Variants in C3orf20 observed in about 807,000 individuals in gnomAD.
C3orf20 encodes family with sequence similarity 149 member C.
A neutral mutation model predicts 88.3 loss-of-function variants in C3orf20; 76 were observed. That is an observed-to-expected ratio of 0.86 (90% CI 0.72 to 1.04). The LOEUF is 1.04. Ranked by LOEUF, C3orf20 falls within the 50% of genes least tolerant of loss-of-function variation. C3orf20 has a pLI of 0.00. For missense variants in C3orf20, 1,056 were observed against 1,123.3 expected, an observed-to-expected ratio of 0.94 and a Z score of 0.86; for synonymous variants, 436 against 437.4, an observed-to-expected ratio of 1.00 and a Z score of 0.04.
At chr3:14,690,646 C>T (rs1326201652) in intron 5 of C3orf20, among the ~76,000 whole-genome samples, 1 of 152,210 alleles carries the variant, frequency 6.6e-6, no homozygotes, top group Non-Finnish European at 1.5e-5. Flanking sequence ...AGGAAGAGAA[C>T]AGGTGGCAGA....
At chr3:14,726,682 G>A (rs1451022351) in intron 10 of C3orf20, among the ~76,000 whole-genome samples, 4 of 152,148 alleles carry the variant, frequency 2.6e-5, no homozygotes, top group East Asian at 3.9e-4. Context: ...CTGCCCAGTC[G>A]AATCAAGGAA....
chr3:14,704,235 G>A (rs1449457103), intron 6 of C3orf20, 102 bp from the exon 7 acceptor site: 12 of 1,218,544 alleles, frequency 9.8e-6, no homozygotes, highest in Non-Finnish European at 1.4e-5. Context: ...GGGGACAGGG[G>A]AATGGGATAG....
At chr3:14,723,645 A>T (rs1462426621) in intron 10 of C3orf20, among the ~76,000 whole-genome samples, 2 of 152,184 alleles carry the variant, frequency 1.3e-5, no homozygotes, top group African/African-American at 2.4e-5. Context: ...TGAATCCGGC[A>T]TGCATTGGTT....
At chr3:14,691,528 C>T (rs1273192650) in intron 5 of C3orf20, among the ~76,000 whole-genome samples, 4 of 152,214 alleles carry the variant, frequency 2.6e-5, no homozygotes, top group Non-Finnish European at 5.9e-5. Flanking sequence ...TTTCCCCTTT[C>T]TGTGGTTTCA....
chr3:14,675,444 G>A (rs1483543617), intron 1 of C3orf20, among the ~76,000 whole-genome samples, 192 bp downstream of exon 1: 1 of 152,182 alleles, frequency 6.6e-6, no homozygotes, highest in Non-Finnish European at 1.5e-5. Context: ...TATGATGGGT[G>A]TAGGTCATTG....
Position 14,704,465 on chromosome 3 carries a change from A to G in C3orf20, c.1007A>G (p.His336Arg). Residue 336 changes from histidine to arginine, a missense_variant, in exon 7 of 17, where the codon CAT (histidine) becomes CGT (arginine). Coordinates refer to ENST00000253697, the MANE Select transcript of C3orf20 (RefSeq NM_032137.5). ...RKGDSQTPGLHYPPTAGAQTL... is the reference protein window; with the variant it reads ...RKGDSQTPGLRYPPTAGAQTL... ...GGAGACTCTCAGACCCCGGGTTTAC[A>G]TTACCCTCCCACTGCAGGTGCTCAG... 2 of 1,614,052 alleles carry G rather than the reference A, an allele frequency of 1.2e-6. No homozygotes were observed. Among genetic ancestry groups the G allele is most frequent in the South Asian group, 1.1e-5 (1 of 91,070 alleles).
intron 15 of C3orf20, among the ~76,000 whole-genome samples, chr3:14,770,156 C>G (rs1189278145): frequency 6.6e-6 from 1 of 152,164 alleles, no homozygotes; most frequent in Non-Finnish European, 1.5e-5. Context: ...GACCATAGGC[C>G]CAGACACTTC....
chr3:14,722,478 G>A (rs1278387260), intron 10 of C3orf20: 1 of 456,672 alleles, frequency 2.2e-6, no homozygotes, highest in Admixed American at 2.3e-5. Context: ...GAAAATCAAG[G>A]TGCTGTTACC....
At chr3:14,686,635 T>G (rs1168822768) in intron 4 of C3orf20, among the ~76,000 whole-genome samples, 1 of 152,248 alleles carries the variant, frequency 6.6e-6, no homozygotes, top group African/African-American at 2.4e-5. Flanking sequence ...GTGTCTCTTC[T>G]TTTGAGAAAT....
intron 15 of C3orf20, among the ~76,000 whole-genome samples, chr3:14,769,980 C>T (rs533683700): frequency 4.3e-4 from 66 of 152,192 alleles, no homozygotes; most frequent in East Asian, 7.7e-4. Flanking sequence ...TGCTTCTTTC[C>T]GAGCCTTTTC....
At position 14,757,954 on chromosome 3, in the gene C3orf20, T is replaced by C. The variant is rs371225156; in HGVS notation, c.2244+280T>C. Among the ~76,000 whole-genome samples the C allele has an allele frequency of 2.4e-4, 37 of 152,324 alleles. 1 individual carries two copies. In the South Asian group the frequency reaches 2.9e-3, roughly 12 times the overall value. Reference sequence around the variant, plus strand: ...CCCTTGAGACAAAATCAGGGCACTGTCCTTTCCTTCCAGTTTGTGACTGCT... The same window carrying C: ...CCCTTGAGACAAAATCAGGGCACTGCCCTTTCCTTCCAGTTTGTGACTGCT... On this transcript the variant is annotated intron_variant, in intron 13 of 16. Transcript: ENST00000253697.
chr3:14,721,813 C>A, intron 10 of C3orf20, 29 bp downstream of exon 10: 1 of 1,612,954 alleles, frequency 6.2e-7, no homozygotes, highest in South Asian at 1.1e-5. Flanking sequence ...TGCACCCAGC[C>A]CTGACCCCTG....
intron 10 of C3orf20, 133 bp downstream of exon 10, chr3:14,721,917 A>T: frequency 9.1e-7 from 1 of 1,104,014 alleles, no homozygotes; most frequent in Non-Finnish European, 1.3e-6. Context: ...TTCCTCTGCC[A>T]TTATTCACCA....
chr3:14,691,363 C>A (rs1575096072), intron 5 of C3orf20, among the ~76,000 whole-genome samples: 1 of 152,162 alleles, frequency 6.6e-6, no homozygotes, highest in East Asian at 1.9e-4. Flanking sequence ...CTAGATCTGG[C>A]CCTGTGATCC....
intron 5 of C3orf20, among the ~76,000 whole-genome samples, chr3:14,697,598 A>G (rs1183710080): frequency 6.6e-6 from 1 of 151,954 alleles, no homozygotes; most frequent in Non-Finnish European, 1.5e-5. Context: ...CATGTGCACA[A>G]TGTGCAGGTT....
intron 11 of C3orf20, among the ~76,000 whole-genome samples, chr3:14,727,781 G>A (rs1460885326): frequency 6.6e-6 from 1 of 152,086 alleles, no homozygotes; most frequent in Non-Finnish European, 1.5e-5. Flanking sequence ...TTCCACACAA[G>A]TGAAAGAAAG....
chr3:14,722,456 G>A, intron 10 of C3orf20: 1 of 456,658 alleles, frequency 2.2e-6, no homozygotes, highest in Non-Finnish European at 4.4e-6. Flanking sequence ...AGGCAGAAGA[G>A]TTTCCCTAAA....
rs2032154364 is a variant in C3orf20 at position 14,682,636 on chromosome 3, C to CA, written c.-76dup. 1 of 1,520,494 alleles carries CA rather than the reference C, an allele frequency of 6.6e-7. No homozygotes were observed. Among genetic ancestry groups the CA allele is most frequent in the South Asian group, 1.3e-5 (1 of 76,918 alleles). 94.2% of individuals were successfully genotyped at this position (1,520,494 alleles called of 1,614,324 possible). A position where few individuals can be genotyped will look rare whatever the true frequency, so the allele number is the denominator to read the frequency against. On this transcript the variant is annotated 5_prime_UTR_variant, in exon 3 of 17. An upstream open reading frame in the 5' UTR loses its in-frame stop. Coordinates refer to ENST00000253697, the MANE Select transcript of C3orf20 (RefSeq NM_032137.5). ...TCAGCACATCCATTCTGTCCATCTC[C>CA]AAGCCTTCACCGTAGGGAAGAACTT...
At position 14,757,519 on chromosome 3, in the gene C3orf20, C is replaced by G. The variant is rs757575905; in HGVS notation, c.2089C>G (p.Leu697Val). The change falls in exon 13 of 17, where the codon CTG becomes GTG. Residue 697 changes from leucine to valine, a missense_variant. Transcript: ENST00000253697. ...VKAPLVSDVE[L>V]ERFLLAPRDP... is the part of the protein sequence containing the mutation. Reference sequence around the variant, plus strand: ...GGCGCCCCTGGTCTCTGACGTGGAGCTGGAGCGCTTCCTGTTGGCGCCCCG... The same window carrying G: ...GGCGCCCCTGGTCTCTGACGTGGAGGTGGAGCGCTTCCTGTTGGCGCCCCG... 6.2e-7 allele frequency: 1 copy of G among 1,614,106 alleles called. No homozygotes were observed. Among genetic ancestry groups the G allele is most frequent in the East Asian group, 2.2e-5 (1 of 44,868 alleles).
Sources: gnomAD v4.1 joint callset for allele counts (sites outside exome capture counted in the v4.1 genomes callset) on GRCh38, gnomAD v4.1.1 for gene constraint, MANE v1.5 for transcripts, NCBI Gene and HGNC (gene_info 2026-07-23, HGNC 2026-07-21) for gene names.